The following GALNT13 variants were observed in gnomAD, a reference collection of about 807,000 sequenced individuals.
GALNT13 encodes polypeptide N-acetylgalactosaminyltransferase 13.
Under a neutral mutation model 64.2 loss-of-function variants are expected in GALNT13, and 28 were observed. That is an observed-to-expected ratio of 0.44 (90% CI 0.32 to 0.60). The LOEUF (loss-of-function observed/expected upper bound fraction) is 0.60, where lower values mean the gene tolerates loss of function less well. Ranked by LOEUF, GALNT13 falls within the 20% of genes least tolerant of loss-of-function variation. The probability of loss-of-function intolerance (pLI) is 0.05; values close to 1 mark genes in which losing one functional copy is unlikely to be tolerated. For missense variants in GALNT13, 577 were observed against 669.8 expected, an observed-to-expected ratio of 0.86 and a Z score of 1.53; for synonymous variants, 214 against 224.6, an observed-to-expected ratio of 0.95 and a Z score of 0.42.
intron 3 of GALNT13, among the ~76,000 whole-genome samples, chr2:154,031,687 C>T (rs1698348188): frequency 6.6e-6 from 1 of 151,708 alleles, no homozygotes; most frequent in Non-Finnish European, 1.5e-5. Flanking sequence ...AATCAATTTT[C>T]CAAGAAGACA....
At chr2:153,124,867 T>A in the GALNT13 span, among the ~76,000 whole-genome samples, 2 of 152,202 alleles carry the variant, frequency 1.3e-5, no homozygotes, top group African/African-American at 2.4e-5. Context: ...GGCAAACAAA[T>A]ACGGCAAGTT....
At chr2:153,382,704 G>A in the GALNT13 span, among the ~76,000 whole-genome samples, 1 of 151,918 alleles carries the variant, frequency 6.6e-6, no homozygotes, top group Non-Finnish European at 1.5e-5. Flanking sequence ...TTATATTGAG[G>A]TCTGAATATG....
At chr2:153,080,859 G>A in the GALNT13 span, among the ~76,000 whole-genome samples, 1 of 151,900 alleles carries the variant, frequency 6.6e-6, no homozygotes, top group Non-Finnish European at 1.5e-5. Context: ...TATACCTTTA[G>A]CATTTTTAAT....
the GALNT13 span, among the ~76,000 whole-genome samples, chr2:153,557,265 G>A: frequency 1.6e-4 from 24 of 152,180 alleles, 1 homozygote; most frequent in Non-Finnish European, 3.2e-4. Context: ...GGAGCAGCAG[G>A]CCATACCATA....
intron 4 of GALNT13, among the ~76,000 whole-genome samples, chr2:154,176,105 A>G (rs1685631459): frequency 6.6e-6 from 1 of 152,092 alleles, no homozygotes; most frequent in Non-Finnish European, 1.5e-5. Flanking sequence ...TAGATCAAAT[A>G]TACACACAGA....
At chr2:153,636,034 C>T in the GALNT13 span, among the ~76,000 whole-genome samples, 1 of 152,062 alleles carries the variant, frequency 6.6e-6, no homozygotes, top group African/African-American at 2.4e-5. Context: ...TTCCGAACTC[C>T]ATGCATTTCT....
chr2:153,728,840 T>A, the GALNT13 span, among the ~76,000 whole-genome samples: 1 of 152,096 alleles, frequency 6.6e-6, no homozygotes, highest in South Asian at 2.1e-4. Flanking sequence ...CAAACTACCA[T>A]CAGAGAATAC....
chr2:153,949,373 A>G (rs1446877355), intron 3 of GALNT13, among the ~76,000 whole-genome samples: 1 of 151,986 alleles, frequency 6.6e-6, no homozygotes, highest in African/African-American at 2.4e-5. Flanking sequence ...CTGGATCTAG[A>G]GTATTAGATA....
the GALNT13 span, among the ~76,000 whole-genome samples, chr2:153,411,813 G>T: frequency 6.6e-6 from 1 of 152,124 alleles, no homozygotes; most frequent in Non-Finnish European, 1.5e-5. Flanking sequence ...TTGCTATAAA[G>T]AATTCATCCA....
the GALNT13 span, among the ~76,000 whole-genome samples, chr2:153,369,051 A>G: frequency 9.2e-5 from 14 of 152,252 alleles, no homozygotes; most frequent in African/African-American, 3.4e-4. Context: ...TTGGAAATTA[A>G]GTATCATACT....
the GALNT13 span, among the ~76,000 whole-genome samples, chr2:153,365,705 T>C: frequency 1.3e-5 from 2 of 152,090 alleles, no homozygotes; most frequent in Non-Finnish European, 2.9e-5. Context: ...TACTATCTCA[T>C]GCCAGTCAGA....
At chr2:154,223,670 C>G (rs1396429618) in intron 4 of GALNT13, among the ~76,000 whole-genome samples, 2 of 151,562 alleles carry the variant, frequency 1.3e-5, no homozygotes, top group African/African-American at 4.8e-5. Flanking sequence ...AGACTGGTCT[C>G]GAATAAATTT....
At chr2:153,943,192 G>A (rs1481378948) in intron 2 of GALNT13, among the ~76,000 whole-genome samples, 1 of 152,000 alleles carries the variant, frequency 6.6e-6, no homozygotes, top group East Asian at 1.9e-4. Flanking sequence ...TAAGTGTAAG[G>A]TATTCATTCT....
intron 3 of GALNT13, among the ~76,000 whole-genome samples, chr2:153,954,455 A>G (rs1692426393): frequency 1.3e-5 from 2 of 152,060 alleles, no homozygotes; most frequent in African/African-American, 2.4e-5. Flanking sequence ...TAAAATTTTG[A>G]CCGCTGATAT....
At chr2:153,094,821 A>G in the GALNT13 span, among the ~76,000 whole-genome samples, 1 of 152,202 alleles carries the variant, frequency 6.6e-6, no homozygotes, top group African/African-American at 2.4e-5. Flanking sequence ...GTGCTGGGAA[A>G]ACTGCCTAGC....
intron 9 of GALNT13, among the ~76,000 whole-genome samples, chr2:154,366,056 TTTAA>T (rs1177952762): frequency 3.3e-5 from 5 of 152,162 alleles, no homozygotes; most frequent in African/African-American, 1.2e-4. Flanking sequence ...TTCCTGTAAT[TTTAA>T]TTAATAATAC....
chr2:153,435,647 T>G, the GALNT13 span, among the ~76,000 whole-genome samples: 2 of 152,276 alleles, frequency 1.3e-5, no homozygotes, highest in East Asian at 3.9e-4. Flanking sequence ...TATTGGTGTA[T>G]AAGAATGCTT....
the GALNT13 span, among the ~76,000 whole-genome samples, chr2:153,788,897 C>T: frequency 1.3e-5 from 2 of 152,028 alleles, no homozygotes; most frequent in Admixed American, 1.3e-4. Flanking sequence ...ACAAGAAGAC[C>T]TAACTATCCA....
At chr2:153,667,253 G>A in the GALNT13 span, among the ~76,000 whole-genome samples, 4 of 152,184 alleles carry the variant, frequency 2.6e-5, no homozygotes, top group South Asian at 8.3e-4. Context: ...TCACTAGACA[G>A]GTAAACATTC....
Sources: allele counts gnomAD v4.1 joint callset (sites outside exome capture counted in the v4.1 genomes callset), GRCh38; gene constraint gnomAD v4.1.1; transcripts MANE v1.5; gene names NCBI Gene and HGNC (gene_info 2026-07-23, HGNC 2026-07-21).